Variants in LAMA2 observed in about 807,000 individuals in gnomAD.
LAMA2 encodes laminin subunit alpha-2.
A neutral mutation model predicts 364.8 loss-of-function variants in LAMA2; 269 were observed. That is an observed-to-expected ratio of 0.74 (90% confidence interval 0.67 to 0.82). The LOEUF is 0.82. LAMA2 is among the 40% of genes least tolerant of loss of function. The pLI is 0.00. For synonymous variants in LAMA2, 1,379 were observed against 1,370.6 expected, an observed-to-expected ratio of 1.01 and a Z score of -0.14; for missense variants, 3,807 against 3,873.2, an observed-to-expected ratio of 0.98 and a Z score of 0.45.
intron 4 of LAMA2, among the ~76,000 whole-genome samples, chr6:129,123,914 AAG>A (rs1006223988): frequency 6.6e-5 from 10 of 152,298 alleles, no homozygotes; most frequent in Admixed American, 2.0e-4. Flanking sequence ...AATAATAATA[AAG>A]AGAGTGAGAG....
Position 129,166,138 on chromosome 6 carries a change from T to A in LAMA2, c.1306+463T>A, listed in dbSNP as rs150874008. ...AGGCAATAATATAGAAAGCAAGAAG[T>A]GTTCATAAAGGACTAAGAAGGTAGT... On this transcript the variant is annotated intron_variant, in intron 9 of 64. Coordinates refer to ENST00000421865, the MANE Select transcript of LAMA2 (RefSeq NM_000426.4). Among the ~76,000 whole-genome samples the A allele has an allele frequency of 3.9e-5, 6 of 152,230 alleles. No homozygotes were observed. The East Asian group carries it at 9.6e-4, about 24-fold the overall frequency.
At chr6:129,115,242 T>C (rs760589715) in intron 4 of LAMA2, among the ~76,000 whole-genome samples, 1 of 152,234 alleles carries the variant, frequency 6.6e-6, no homozygotes, top group East Asian at 1.9e-4. Context: ...TTTCCACATG[T>C]GTGTTCTAAA....
At chr6:129,029,259 C>T (rs1038222452) in intron 1 of LAMA2, among the ~76,000 whole-genome samples, 1 of 151,750 alleles carries the variant, frequency 6.6e-6, no homozygotes, top group Non-Finnish European at 1.5e-5. Context: ...GATCTTAGAG[C>T]TCATTATACA....
At chr6:129,516,055 T>C (rs772124488) in intron 64 of LAMA2, 135 bp from the exon 65 acceptor site, 5 of 1,054,494 alleles carry the variant, frequency 4.7e-6, no homozygotes, top group Non-Finnish European at 7.4e-6. Flanking sequence ...TTAGTAAGGC[T>C]AAAAACAAAA....
chr6:129,384,651 A>G (rs1778875774), intron 35 of LAMA2, among the ~76,000 whole-genome samples: 1 of 152,068 alleles, frequency 6.6e-6, no homozygotes, highest in African/African-American at 2.4e-5. Flanking sequence ...TCTAGGTACT[A>G]TTTGTACAAT....
At chr6:129,306,670 T>G (rs1426884344) in intron 22 of LAMA2, among the ~76,000 whole-genome samples, 1 of 151,978 alleles carries the variant, frequency 6.6e-6, no homozygotes, top group Admixed American at 6.5e-5. Context: ...GTATCTGTAT[T>G]TTTTATTTCT....
At chr6:129,004,406 TAAAAAAAA>T (rs61244248) in intron 1 of LAMA2, among the ~76,000 whole-genome samples, 1 of 53,814 alleles carries the variant, frequency 1.9e-5, no homozygotes, top group South Asian at 5.9e-4. Flanking sequence ...AGTATAATAA[TAAAAAAAA>T]AAAAAAAAAA....
At chr6:129,174,100 C>T (rs1403114065) in intron 9 of LAMA2, among the ~76,000 whole-genome samples, 1 of 151,952 alleles carries the variant, frequency 6.6e-6, no homozygotes, top group Admixed American at 6.6e-5. Flanking sequence ...AATAATGATA[C>T]CAACCCATGA....
intron 41 of LAMA2, among the ~76,000 whole-genome samples, chr6:129,436,392 A>G (rs1209294673): frequency 6.6e-6 from 1 of 152,188 alleles, no homozygotes; most frequent in Non-Finnish European, 1.5e-5. Flanking sequence ...TTTCACATCC[A>G]TATCCGCTCA....
chr6:129,514,336 G>A, intron 63 of LAMA2, 37 bp from the exon 64 acceptor site: 1 of 1,425,968 alleles, frequency 7.0e-7, no homozygotes, highest in Non-Finnish European at 9.9e-7. Flanking sequence ...CTTCTTTAAT[G>A]AAACCATCTG....
intron 6 of LAMA2, 98 bp from the exon 7 acceptor site, chr6:129,148,881 A>G (rs528462540): frequency 2.4e-5 from 21 of 858,006 alleles, no homozygotes; most frequent in Non-Finnish European, 3.7e-5. Flanking sequence ...TACACAGTCC[A>G]GATGTTTTCT....
intron 48 of LAMA2, among the ~76,000 whole-genome samples, chr6:129,457,487 C>A (rs1448643541): frequency 6.6e-6 from 1 of 151,922 alleles, no homozygotes; most frequent in Admixed American, 6.6e-5. Flanking sequence ...AAAATATAAC[C>A]TTAGACAAGT....
intron 51 of LAMA2, among the ~76,000 whole-genome samples, chr6:129,470,383 G>T (rs1783752276): frequency 6.6e-6 from 1 of 151,880 alleles, no homozygotes; most frequent in South Asian, 2.1e-4. Flanking sequence ...GCAAAAATCA[G>T]GTCCAAGCAT....
chr6:129,490,843 C>CCCTT (rs1191630687), intron 56 of LAMA2: 1 of 152,150 alleles, frequency 6.6e-6, no homozygotes, highest in Non-Finnish European at 1.5e-5. Flanking sequence ...TTTTACCGGT[C>CCCTT]CCTTCTTCAC....
intron 34 of LAMA2, among the ~76,000 whole-genome samples, chr6:129,372,128 G>A (rs948784070): frequency 1.4e-4 from 21 of 152,158 alleles, no homozygotes; most frequent in East Asian, 5.8e-4. Flanking sequence ...TATTATAGTC[G>A]ATAAACCTAA....
chr6:129,475,413 A>C lies in LAMA2; in HGVS notation c.7451+12A>C. 6.4e-7 allele frequency: 1 copy of C among 1,574,314 alleles called. No homozygotes were observed. Among genetic ancestry groups the C allele is most frequent in the Non-Finnish European group, 8.7e-7 (1 of 1,152,978 alleles). On this transcript the variant is annotated intron_variant, in intron 53 of 64. Coordinates refer to ENST00000421865, the MANE Select transcript of LAMA2 (RefSeq NM_000426.4). ...AGTATGAAAGCAAGGTAAAATTTAA[A>C]TTTATGCATGCCTTCTTCGAGTGCA...
chr6:129,297,032 C>G (rs574772413), intron 20 of LAMA2, among the ~76,000 whole-genome samples: 2 of 152,246 alleles, frequency 1.3e-5, no homozygotes, highest in African/African-American at 4.8e-5. Flanking sequence ...CTTACCTGAT[C>G]TGGTGCTTTA....
chr6:129,254,655 C>T (rs1252753991), intron 14 of LAMA2, among the ~76,000 whole-genome samples: 1 of 152,156 alleles, frequency 6.6e-6, no homozygotes, highest in Non-Finnish European at 1.5e-5. Context: ...AATGCTGAGA[C>T]CCATTAGATA....
intron 35 of LAMA2, among the ~76,000 whole-genome samples, chr6:129,387,861 A>G (rs1209502383): frequency 3.3e-5 from 5 of 152,230 alleles, no homozygotes; most frequent in African/African-American, 9.6e-5. Flanking sequence ...GTGAGAACAC[A>G]TGGACAAGGA....
Sources: gnomAD v4.1 joint callset for allele counts (sites outside exome capture counted in the v4.1 genomes callset) on GRCh38, gnomAD v4.1.1 for gene constraint, MANE v1.5 for transcripts, NCBI Gene and HGNC (gene_info 2026-07-23, HGNC 2026-07-21) for gene names.